The following SETD3 variants were observed in gnomAD, a reference collection of about 807,000 sequenced individuals.
The protein encoded by SETD3 is actin-histidine N-methyltransferase.
SETD3 carries 19 observed loss-of-function variants against 63.0 expected under a neutral mutation model. The ratio of observed to expected loss-of-function variants is 0.30; its 90% CI spans 0.21 to 0.44. SETD3 has a LOEUF of 0.44. Ranked by LOEUF, SETD3 falls within the 20% of genes least tolerant of loss-of-function variation. The pLI, the probability that SETD3 is intolerant of heterozygous loss-of-function variation, is 1.00. For synonymous variants in SETD3, 286 were observed against 264.1 expected, an observed-to-expected ratio of 1.08 and a Z score of -0.80; for missense variants, 587 against 728.5, an observed-to-expected ratio of 0.81 and a Z score of 2.24.
chr14:99,413,156 C>A, intron 7 of SETD3, 91 bp from the exon 8 acceptor site: 1 of 685,212 alleles, frequency 1.5e-6, no homozygotes, highest in South Asian at 1.8e-5. Context: ...GGTTTGATCT[C>A]TTACAAACGT....
upstream of SETD3, chr14:99,481,609 C>T (rs371384996): frequency 5.9e-4 from 232 of 394,894 alleles, 2 homozygotes; most frequent in South Asian, 6.6e-3. Flanking sequence ...CCTCCGCTAA[C>T]CTCCGGTACA....
At chr14:99,434,796 G>A (rs140413057) in intron 6 of SETD3, among the ~76,000 whole-genome samples, 2 of 125,310 alleles carry the variant, frequency 1.6e-5, no homozygotes, top group Non-Finnish European at 3.1e-5. Flanking sequence ...GTGATGAGCC[G>A]AGATCACGCC....
At chr14:99,483,281 G>A (rs1300980722), upstream of SETD3, among the ~76,000 whole-genome samples, 1 of 152,104 alleles carries the variant, frequency 6.6e-6, no homozygotes, top group Non-Finnish European at 1.5e-5. Flanking sequence ...AGAGGTGGTG[G>A]CTCACGCTTA....
At chr14:99,410,945 C>T (rs1293198389) in intron 8 of SETD3, among the ~76,000 whole-genome samples, 1 of 152,168 alleles carries the variant, frequency 6.6e-6, no homozygotes, top group African/African-American at 2.4e-5. Context: ...AGGATAGACA[C>T]ACACAAAAAA....
intron 1 of SETD3, among the ~76,000 whole-genome samples, chr14:99,472,817 CAGGAAAAT>C (rs1895775281): frequency 6.6e-6 from 1 of 151,856 alleles, no homozygotes; most frequent in African/African-American, 2.4e-5. Flanking sequence ...TTAAAGAAAA[CAGGAAAAT>C]AGGACCAAAA....
chr14:99,445,194 G>A (rs1352713517), intron 6 of SETD3, among the ~76,000 whole-genome samples: 3 of 152,174 alleles, frequency 2.0e-5, no homozygotes, highest in African/African-American at 7.2e-5. Flanking sequence ...TCAGGAAGAC[G>A]ACCTGAACTT....
At chr14:99,481,577 C>G, upstream of SETD3, 1 of 397,708 alleles carries the variant, frequency 2.5e-6, no homozygotes, top group Non-Finnish European at 4.4e-6. Context: ...CTGGCGGAGT[C>G]TCTCTTTCCG....
intron 7 of SETD3, chr14:99,413,345 C>T (rs1453871844): frequency 9.0e-6 from 3 of 332,492 alleles, no homozygotes; most frequent in African/African-American, 4.3e-5. Context: ...CCCGGATCTT[C>T]GTGACTCACA....
At position 99,398,656 on chromosome 14, in the gene SETD3, C is replaced by T; in HGVS notation, c.*23G>A. 6.3e-7 allele frequency: 1 copy of T among 1,598,158 alleles called. No individual in the cohort carries two copies. ...TCCGTCAACTCCTGCTCCACTGGAT[C>T]CCCCATCCAGCTTCACCTCGAGCTA... On this transcript the variant is annotated 3_prime_UTR_variant, in exon 13 of 13. Transcript: ENST00000331768.
At chr14:99,478,112 T>C (rs944070028) in intron 1 of SETD3, among the ~76,000 whole-genome samples, 23 of 152,126 alleles carry the variant, frequency 1.5e-4, no homozygotes, top group African/African-American at 5.3e-4. Flanking sequence ...TCAAAAGATT[T>C]TTCACTGATA....
chr14:99,477,178 T>C (rs1896016326), intron 1 of SETD3, among the ~76,000 whole-genome samples: 1 of 152,204 alleles, frequency 6.6e-6, no homozygotes, highest in African/African-American at 2.4e-5. Context: ...TGGAAAGTAC[T>C]TGATAGAAGA....
At chr14:99,414,475 C>T (rs1236089312) in intron 6 of SETD3, among the ~76,000 whole-genome samples, 2 of 152,222 alleles carry the variant, frequency 1.3e-5, no homozygotes, top group African/African-American at 4.8e-5. Flanking sequence ...ATCATATACA[C>T]GGCAAATGCG....
intron 6 of SETD3, among the ~76,000 whole-genome samples, chr14:99,415,684 A>G (rs1291091339): frequency 2.0e-5 from 3 of 152,218 alleles, no homozygotes; most frequent in African/African-American, 7.2e-5. Context: ...GTTACATAAT[A>G]TTTGCAGAAT....
At chr14:99,430,232 T>C (rs1424064817) in intron 6 of SETD3, among the ~76,000 whole-genome samples, 1 of 152,164 alleles carries the variant, frequency 6.6e-6, no homozygotes. Context: ...GGTGCACAGA[T>C]ATGCACACAC....
chr14:99,484,715 C>CA (rs549007631), upstream of SETD3, among the ~76,000 whole-genome samples: 20 of 152,276 alleles, frequency 1.3e-4, no homozygotes, highest in East Asian at 3.7e-3. Flanking sequence ...TGATACCCAG[C>CA]AATGCCATAG....
intron 1 of SETD3, among the ~76,000 whole-genome samples, chr14:99,469,865 G>T (rs995030279): frequency 6.6e-6 from 1 of 152,166 alleles, no homozygotes; most frequent in Admixed American, 6.5e-5. Context: ...CAGTCCTGAC[G>T]AACCCTTTCA....
chr14:99,474,682 C>G (rs1219902781), intron 1 of SETD3, among the ~76,000 whole-genome samples: 1 of 152,102 alleles, frequency 6.6e-6, no homozygotes, highest in Non-Finnish European at 1.5e-5. Flanking sequence ...CTGGCCAACA[C>G]AGTGAAACCC....
chr14:99,424,702 A>C (rs561759466), intron 6 of SETD3, among the ~76,000 whole-genome samples: 2 of 152,180 alleles, frequency 1.3e-5, no homozygotes, highest in Non-Finnish European at 2.9e-5. Flanking sequence ...AGAGGAGGAC[A>C]TAAGAAACCC....
intron 6 of SETD3, among the ~76,000 whole-genome samples, chr14:99,438,792 AGGCTCTT>A (rs1445579725): frequency 6.6e-6 from 1 of 152,156 alleles, no homozygotes; most frequent in Admixed American, 6.5e-5. Flanking sequence ...GGCTTGCTGG[AGGCTCTT>A]CAGGACCTAG....
Sources: gnomAD v4.1 joint callset for allele counts (sites outside exome capture counted in the v4.1 genomes callset) on GRCh38, gnomAD v4.1.1 for gene constraint, MANE v1.5 for transcripts, NCBI Gene and HGNC (gene_info 2026-07-23, HGNC 2026-07-21) for gene names.